The following OPCML variants were observed in gnomAD, a reference collection of about 807,000 sequenced individuals.
OPCML encodes the protein opioid-binding protein/cell adhesion molecule.
In OPCML, 13 loss-of-function variants were observed where a neutral mutation model predicts 37.8. The observed-to-expected ratio is 0.34, with a 90% CI of 0.22 to 0.55. The LOEUF (loss-of-function observed/expected upper bound fraction) is 0.55, where lower values mean the gene tolerates loss of function less well. Ranked by LOEUF, OPCML falls within the 20% of genes least tolerant of loss-of-function variation. The pLI is 0.91. For missense variants in OPCML, 341 were observed against 435.6 expected (o/e 0.78, Z 1.93); for synonymous variants, 176 against 168.8 (o/e 1.04, Z -0.33).
At chr11:132,937,600 GTGTGTGTGTGT>G (rs1565353479) in intron 2 of OPCML, among the ~76,000 whole-genome samples, 5 of 35,880 alleles carry the variant, frequency 1.4e-4, no homozygotes, top group Non-Finnish European at 2.0e-4. Context: ...TGTGGGGTGT[GTGTGTGTGTGT>G]GTGTGTGTGT....
chr11:132,527,984 AG>A (rs1020417068), intron 4 of OPCML, among the ~76,000 whole-genome samples: 5 of 152,170 alleles, frequency 3.3e-5, no homozygotes, highest in African/African-American at 1.2e-4. Context: ...ATCAGCATCT[AG>A]GGGAAAGACG....
intron 1 of OPCML, among the ~76,000 whole-genome samples, chr11:133,439,658 G>A (rs764728783): frequency 5.3e-5 from 8 of 151,544 alleles, no homozygotes; most frequent in Admixed American, 2.6e-4. Context: ...TAGTAGAGAC[G>A]GGGTTTCACC....
At chr11:133,417,165 A>G (rs1945786715) in intron 1 of OPCML, among the ~76,000 whole-genome samples, 1 of 152,108 alleles carries the variant, frequency 6.6e-6, no homozygotes, top group African/African-American at 2.4e-5. Flanking sequence ...ACATTAAGAG[A>G]GTGTTTCCCT....
chr11:132,632,146 A>AG (rs1555167066), intron 3 of OPCML, among the ~76,000 whole-genome samples: 18 of 151,186 alleles, frequency 1.2e-4, no homozygotes, highest in South Asian at 6.3e-4. Context: ...AAAAAAAAAA[A>AG]AAAGAAAGAA....
intron 2 of OPCML, among the ~76,000 whole-genome samples, chr11:132,813,940 A>T (rs1034365326): frequency 2.0e-5 from 3 of 152,196 alleles, no homozygotes; most frequent in African/African-American, 7.2e-5. Flanking sequence ...ATGCACTAAT[A>T]ACACCTTTTC....
chr11:132,619,817 A>G (rs1939290015), intron 3 of OPCML, among the ~76,000 whole-genome samples: 1 of 145,472 alleles, frequency 6.9e-6, no homozygotes, highest in Non-Finnish European at 1.5e-5. Context: ...TCGCTACTGC[A>G]CTCCAATCTG....
chr11:132,420,656 A>G (rs955449226), intron 7 of OPCML, among the ~76,000 whole-genome samples: 1 of 152,222 alleles, frequency 6.6e-6, no homozygotes, highest in African/African-American at 2.4e-5. Flanking sequence ...AGTGTCCAGT[A>G]CAGACAATGA....
chr11:133,025,610 A>G (rs569039703), intron 1 of OPCML: 57 of 362,762 alleles, frequency 1.6e-4, no homozygotes, highest in African/African-American at 1.2e-3. Flanking sequence ...TTTAATCAAC[A>G]TGAGGTCTCA....
At chr11:132,583,688 C>T (rs1243373417) in intron 3 of OPCML, among the ~76,000 whole-genome samples, 2 of 152,044 alleles carry the variant, frequency 1.3e-5, no homozygotes, top group East Asian at 3.9e-4. Context: ...GCAAACTCAG[C>T]TCACTGCAAC....
chr11:132,805,397 G>T (rs1938941838), intron 2 of OPCML, among the ~76,000 whole-genome samples: 1 of 152,206 alleles, frequency 6.6e-6, no homozygotes. Context: ...TACAGTGGCA[G>T]AGAGCTTCCC....
rs200184599 is a variant in OPCML, at chr11:133,458,882, C to CAT, written c.61+73381_61+73382insAT. 3.0e-3 allele frequency among the ~76,000 whole-genome samples: 386 copies of CAT among 129,982 alleles called. 26 individuals are homozygous for CAT. The highest frequency in any genetic ancestry group is 0.016 in the African/African-American group (362 of 23,106). 85.3% of individuals were successfully genotyped at this position (129,982 alleles called of 152,430 possible). On this transcript the variant is annotated intron_variant, in intron 1 of 7. Coordinates refer to ENST00000524381, the MANE Select transcript of OPCML (RefSeq NM_001012393.5). ...GTGTATATATACACACACATACACA[C>CAT]ACATGTGTGTGTATATATATACACA... is the stretch of plus-strand genomic sequence containing the variant.
chr11:133,178,668 T>C lies in OPCML; in HGVS notation c.62-235658A>G, dbSNP rs2136281615. On this transcript the variant is annotated intron_variant, in intron 1 of 7. Transcript: ENST00000524381. ...ACAGTGTGTGTCCTGAGCATGAATC[T>C]GAGTACGCAAACGAGCAGCCAGACA... is the stretch of plus-strand genomic sequence containing the variant. 1.3e-5 allele frequency among the ~76,000 whole-genome samples: 2 copies of C among 152,174 alleles called. 1 individual carries two copies. Among genetic ancestry groups the C allele is most frequent in the East Asian group, 3.9e-4 (2 of 5,144 alleles).
At chr11:132,917,439 G>T (rs1315900880) in intron 2 of OPCML, among the ~76,000 whole-genome samples, 1 of 152,166 alleles carries the variant, frequency 6.6e-6, no homozygotes, top group Non-Finnish European at 1.5e-5. Context: ...TGCTCAGCCT[G>T]ACTTGCTACT....
chr11:132,724,630 C>A (rs568031930), intron 2 of OPCML, among the ~76,000 whole-genome samples: 11 of 152,134 alleles, frequency 7.2e-5, no homozygotes, highest in Admixed American at 1.3e-4. Context: ...AAAGTCTTAA[C>A]CCATTTTAGT....
At chr11:132,516,326 C>A (rs913447316) in intron 4 of OPCML, among the ~76,000 whole-genome samples, 1 of 152,168 alleles carries the variant, frequency 6.6e-6, no homozygotes, top group African/African-American at 2.4e-5. Flanking sequence ...ACATCCTTCA[C>A]TCTGTACATC....
At chr11:133,315,462 AG>A (rs562904493) in intron 1 of OPCML, among the ~76,000 whole-genome samples, 1 of 152,240 alleles carries the variant, frequency 6.6e-6, no homozygotes, top group Non-Finnish European at 1.5e-5. Flanking sequence ...AGTCACCTCA[AG>A]ATGAAATTCA....
At chr11:132,916,629 G>A (rs1378457458) in intron 2 of OPCML, among the ~76,000 whole-genome samples, 3 of 152,300 alleles carry the variant, frequency 2.0e-5, no homozygotes, top group Admixed American at 6.5e-5. Flanking sequence ...GAGCTTTGGC[G>A]GCTGAAGGAA....
intron 4 of OPCML, among the ~76,000 whole-genome samples, chr11:132,510,671 G>C (rs2096266919): frequency 6.6e-6 from 1 of 152,138 alleles, no homozygotes; most frequent in African/African-American, 2.4e-5. Flanking sequence ...AATACCTTTT[G>C]CCTCTTGCCA....
rs572157270 is a variant in OPCML at position 132,631,591 on chromosome 11, C to A, written c.379+25496G>T. Among the ~76,000 whole-genome samples the A allele has an allele frequency of 6.6e-5, 10 of 150,964 alleles. 1 individual carries two copies. The highest frequency in any genetic ancestry group is 2.4e-4 in the African/African-American group (10 of 41,236). ...TCGCCTGCCTCAGCCTCCCGAGTAG[C>A]TGGGACTACAGGCGCCCGCCACCAC... On this transcript the variant is annotated intron_variant, in intron 3 of 7. Transcript: ENST00000524381.
Sources: gnomAD v4.1 joint callset for allele counts (sites outside exome capture counted in the v4.1 genomes callset) on GRCh38, gnomAD v4.1.1 for gene constraint, MANE v1.5 for transcripts, NCBI Gene and HGNC (gene_info 2026-07-23, HGNC 2026-07-21) for gene names.